MEIOSIN: variants seen among roughly 807,000 people sequenced by gnomAD.
MEIOSIN encodes the protein meiosis initiator protein.
MEIOSIN carries 18 observed loss-of-function variants against 23.4 expected under a neutral mutation model. The observed-to-expected ratio is 0.77, with a 90% CI of 0.53 to 1.14. MEIOSIN has a LOEUF of 1.14. Ranked by LOEUF, MEIOSIN falls within the 50% of genes most tolerant of loss-of-function variation. The pLI, the probability that MEIOSIN is intolerant of heterozygous loss-of-function variation, is 0.00. For missense variants in MEIOSIN, 428 were observed against 242.9 expected (o/e 1.76, Z -5.07); for synonymous variants, 187 against 100.6 (o/e 1.86, Z -5.14).
chr19:45,762,882 G>A (rs1000985633), intron 13 of MEIOSIN, among the ~76,000 whole-genome samples: 2 of 152,242 alleles, frequency 1.3e-5, no homozygotes, highest in African/African-American at 4.8e-5. Context: ...TTCCGGGCTG[G>A]CTTCATTCTC....
intron 3 of MEIOSIN, among the ~76,000 whole-genome samples, chr19:45,740,023 A>AT (rs1374141703): frequency 1.3e-5 from 2 of 151,834 alleles, no homozygotes; most frequent in Admixed American, 6.6e-5. Context: ...AATTTTTTGT[A>AT]TTTTTAGTAG....
chr19:45,764,261 C>T lies in MEIOSIN; in HGVS notation c.*143C>T. The T allele has an allele frequency of 2.5e-6, 1 of 397,414 alleles. No individual in the cohort carries two copies. The highest frequency in any genetic ancestry group is 4.4e-6 in the Non-Finnish European group (1 of 225,806). The allele number at this position is 397,414 out of a possible 1,614,324, so 24.6% of individuals were successfully genotyped here. On this transcript the variant is annotated 3_prime_UTR_variant, in exon 15 of 15. Transcript: ENST00000457052. The stretch of plus-strand genomic sequence containing the variant: ...TCCCATGGGACTGGGGAGGGGGGCA[C>T]TGATTAGCCCCAACCGCTGGGCACA...
At chr19:45,734,129 G>A (rs1041242391) in intron 1 of MEIOSIN, among the ~76,000 whole-genome samples, 1 of 152,086 alleles carries the variant, frequency 6.6e-6, no homozygotes, top group African/African-American at 2.4e-5. Context: ...CCAATGTAGA[G>A]TATGAAGCTT....
chr19:45,753,899 T>C (rs1968765655), intron 6 of MEIOSIN, 111 bp downstream of exon 6: 1 of 604,514 alleles, frequency 1.7e-6, no homozygotes, highest in Non-Finnish European at 2.9e-6. Flanking sequence ...TGTGCCGGGG[T>C]TCAACTCCCA....
chr19:45,757,071 C>A, intron 8 of MEIOSIN, 106 bp from the exon 9 acceptor site: 2 of 619,334 alleles, frequency 3.2e-6, no homozygotes, highest in Non-Finnish European at 5.9e-6. Flanking sequence ...CTGAGCTTTA[C>A]ACCCCCAGCA....
intron 8 of MEIOSIN, 42 bp downstream of exon 8, chr19:45,756,120 G>A (rs1968824420): frequency 1.4e-6 from 1 of 700,628 alleles, no homozygotes. Context: ...GTGCTGAGGG[G>A]TTTGGTCTGG....
chr19:45,752,255 G>A (rs1015732125), intron 5 of MEIOSIN, among the ~76,000 whole-genome samples: 9 of 151,534 alleles, frequency 5.9e-5, no homozygotes, highest in Admixed American at 4.0e-4. Flanking sequence ...TCTCTCTGTC[G>A]CCCAGACTAG....
intron 1 of MEIOSIN, 75 bp from the exon 2 acceptor site, chr19:45,735,302 G>T (rs905145456): frequency 7.2e-6 from 5 of 692,024 alleles, no homozygotes; most frequent in East Asian, 2.7e-5. Flanking sequence ...GAAGATGAAG[G>T]GTGCCCATCA....
chr19:45,762,729 T>C (rs755043551), intron 13 of MEIOSIN, among the ~76,000 whole-genome samples: 44 of 152,176 alleles, frequency 2.9e-4, no homozygotes, highest in Non-Finnish European at 5.1e-4. Flanking sequence ...GTGTGAGCCA[T>C]CAGGCCCAGC....
At position 45,761,762 on chromosome 19, in the gene MEIOSIN, C is replaced by T. The variant is rs775091669; in HGVS notation, c.1329C>T (p.Leu443=). 4.3e-6 allele frequency: 3 copies of T among 702,854 alleles called. No individual in the cohort carries two copies. The highest frequency in any genetic ancestry group is 7.8e-6 in the Non-Finnish European group (3 of 384,598). 43.5% of individuals were successfully genotyped at this position (702,854 alleles called of 1,614,324 possible). Residue 443 remains leucine, a synonymous_variant, in exon 12 of 15, where the codon CTC becomes CTT. Coordinates refer to ENST00000457052, the MANE Select transcript of MEIOSIN (RefSeq NM_001310124.2). ...CAGTCTCGCTGGACCACTGCTACCT[C>T]TCGCTGAGCGGGAACAGCAAGGCGC... The part of the protein sequence containing the change: ...RSSVSLDHCY[L]SLSGNSKAPS...
intron 11 of MEIOSIN, among the ~76,000 whole-genome samples, chr19:45,760,920 G>T (rs1238255702): frequency 2.1e-4 from 28 of 132,794 alleles, no homozygotes; most frequent in Admixed American, 2.0e-3. Flanking sequence ...GTAAGACTCC[G>T]TCTCAAAAAA....
At chr19:45,739,076 C>A (rs1013618679) in intron 2 of MEIOSIN, among the ~76,000 whole-genome samples, 1 of 152,144 alleles carries the variant, frequency 6.6e-6, no homozygotes, top group Non-Finnish European at 1.5e-5. Flanking sequence ...CGGGAATCTG[C>A]GTCTCTTGGC....
chr19:45,759,871 G>A (rs149029299), intron 11 of MEIOSIN, among the ~76,000 whole-genome samples: 4,902 of 151,914 alleles, frequency 0.032, 282 homozygotes, highest in African/African-American at 0.11. Flanking sequence ...GTGCGATCTC[G>A]GCTCACTGTA....
Position 45,759,507 on chromosome 19 carries a change from C to A in MEIOSIN, c.1245+17C>A, listed in dbSNP as rs1296089370. The A allele has an allele frequency of 5.7e-6, 4 of 703,000 alleles. No individual in the cohort carries two copies. The highest frequency in any genetic ancestry group is 1.0e-5 in the Non-Finnish European group (4 of 384,800). The allele number at this position is 703,000 out of a possible 1,614,324, so 43.5% of individuals were successfully genotyped here. ...CAGGAAAAGGTAGACATCCTCTGCC[C>A]CTCTGTCCACAGACACATCCATCCG... On this transcript the variant is annotated intron_variant, in intron 11 of 14. Transcript: ENST00000457052.
chr19:45,758,883 C>T lies in MEIOSIN; in HGVS notation c.1018C>T (p.Pro340Ser). 1.4e-6 allele frequency: 1 copy of T among 703,084 alleles called. No homozygotes were observed. The highest frequency in any genetic ancestry group is 2.7e-5 in the East Asian group (1 of 37,292). 43.6% of individuals were successfully genotyped at this position (703,084 alleles called of 1,614,324 possible). The change falls in exon 10 of 15, where the codon CCA (proline) becomes TCA (serine). Residue 340 changes from proline (P) to serine (S), a missense_variant. Transcript: ENST00000457052. ...GTCTGCTGTTCCCTTTCCAGGGAGC[C>T]CACTGTTCCTGGGGCCTCCCCAGAT... Reference protein sequence around the residue: ...WTPENSPQGSPLFLGPPQIDV... With the variant: ...WTPENSPQGSSLFLGPPQIDV...
intron 4 of MEIOSIN, among the ~76,000 whole-genome samples, chr19:45,746,811 ACT>A (rs1299392005): frequency 2.0e-5 from 3 of 150,000 alleles, no homozygotes; most frequent in Non-Finnish European, 4.4e-5. Flanking sequence ...ACAGAGCAAG[ACT>A]CTGTCTCAAA....
chr19:45,748,075 C>T (rs528415558), intron 4 of MEIOSIN, among the ~76,000 whole-genome samples: 11 of 151,852 alleles, frequency 7.2e-5, no homozygotes, highest in Non-Finnish European at 2.9e-5. Flanking sequence ...CAGAGTAAGA[C>T]CCTGTCTTTT....
At chr19:45,753,315 A>T (rs942811370) in intron 5 of MEIOSIN, among the ~76,000 whole-genome samples, 3 of 152,176 alleles carry the variant, frequency 2.0e-5, no homozygotes, top group Admixed American at 6.6e-5. Flanking sequence ...GGGGTCGGCT[A>T]GGAGACCCTC....
At chr19:45,744,721 C>T (rs1245612574) in intron 3 of MEIOSIN, among the ~76,000 whole-genome samples, 1 of 152,138 alleles carries the variant, frequency 6.6e-6, no homozygotes, top group Non-Finnish European at 1.5e-5. Context: ...GATTCTCCTG[C>T]CTCAGCCTCC....
Sources: allele counts gnomAD v4.1 joint callset (sites outside exome capture counted in the v4.1 genomes callset), GRCh38; gene constraint gnomAD v4.1.1; transcripts MANE v1.5; gene names NCBI Gene and HGNC (gene_info 2026-07-23, HGNC 2026-07-21).